Variants in PRIM2 observed in about 807,000 individuals in gnomAD.
The protein encoded by PRIM2 is DNA primase large subunit.
Under a neutral mutation model 67.3 loss-of-function variants are expected in PRIM2, and 39 were observed. That is an observed-to-expected ratio of 0.58 (90% CI 0.45 to 0.76). PRIM2 has a LOEUF of 0.76. Ranked by LOEUF, PRIM2 falls within the 30% of genes least tolerant of loss-of-function variation. The pLI is 0.00. For synonymous variants in PRIM2, 143 were observed against 198.7 expected (o/e 0.72, Z 2.36); for missense variants, 398 against 598.7 (o/e 0.66, Z 3.50).
upstream of PRIM2, among the ~76,000 whole-genome samples, chr6:57,314,409 G>A (rs1173473815): frequency 2.0e-5 from 3 of 152,178 alleles, no homozygotes; most frequent in African/African-American, 4.8e-5. Flanking sequence ...CCAGCTACTC[G>A]GGAGGCTGAG....
rs1440536817 is a variant in PRIM2, at chr6:57,464,369, C to T, written c.694-43018C>T. 3.9e-3 allele frequency among the ~76,000 whole-genome samples: 587 copies of T among 152,094 alleles called. 3 individuals carry two copies. Among genetic ancestry groups the T allele is most frequent in the African/African-American group, 0.013 (551 of 41,486 alleles). ...CTCAGCTCACTTCAACCTCCGTCTC[C>T]CAGGTTCAAGTGATTCTCCTTCCTC... is the stretch of plus-strand genomic sequence containing the variant. On this transcript the variant is annotated intron_variant, in intron 7 of 13. Coordinates refer to ENST00000615550, the MANE Select transcript of PRIM2 (RefSeq NM_000947.5).
At chr6:57,534,854 G>C (rs1249232568) in intron 9 of PRIM2, among the ~76,000 whole-genome samples, 321 of 152,102 alleles carry the variant, frequency 2.1e-3, no homozygotes, top group African/African-American at 7.4e-3. Flanking sequence ...AACTTACTTT[G>C]TCTTACTTGA....
intron 7 of PRIM2, among the ~76,000 whole-genome samples, chr6:57,391,326 A>G (rs7775204): frequency 0.71 from 98,099 of 139,130 alleles, 35,144 homozygotes; most frequent in African/African-American, 0.82. Context: ...TCCATTCTGT[A>G]GGTTGTCTGT....
At chr6:57,560,020 G>T (rs1176086376) in intron 10 of PRIM2, among the ~76,000 whole-genome samples, 2 of 152,068 alleles carry the variant, frequency 1.3e-5, no homozygotes, top group Non-Finnish European at 2.9e-5. Context: ...ATTGATTGAC[G>T]TTTCCTTTCA....
the PRIM2 span, among the ~76,000 whole-genome samples, chr6:57,289,866 G>A: frequency 1.3e-5 from 2 of 152,126 alleles, no homozygotes; most frequent in Non-Finnish European, 2.9e-5. Flanking sequence ...AAATTGTAAA[G>A]ACCATCAATG....
At chr6:57,562,009 T>C (rs1775642142) in intron 10 of PRIM2, among the ~76,000 whole-genome samples, 1 of 152,112 alleles carries the variant, frequency 6.6e-6, no homozygotes, top group Non-Finnish European at 1.5e-5. Flanking sequence ...TAGAGAGGCC[T>C]GAGGAGAGGG....
At chr6:57,370,740 G>A (rs1195962664) in intron 5 of PRIM2, among the ~76,000 whole-genome samples, 2 of 140,566 alleles carry the variant, frequency 1.4e-5, no homozygotes, top group Non-Finnish European at 3.0e-5. Flanking sequence ...TGCCACCTGC[G>A]CTGGAGTGCA....
intron 5 of PRIM2, among the ~76,000 whole-genome samples, chr6:57,333,391 C>A (rs1272787915): frequency 6.6e-6 from 1 of 152,136 alleles, no homozygotes; most frequent in Admixed American, 6.5e-5. Context: ...TCTTGAGAAG[C>A]CTGATTTCAT....
chr6:57,501,440 C>T (rs1289928262), intron 7 of PRIM2, among the ~76,000 whole-genome samples: 1 of 152,116 alleles, frequency 6.6e-6, no homozygotes, highest in Non-Finnish European at 1.5e-5. Flanking sequence ...GCTGGGATTA[C>T]AGGCGCCCGC....
At chr6:57,516,177 C>T (rs1163834652) in intron 8 of PRIM2, among the ~76,000 whole-genome samples, 3 of 151,958 alleles carry the variant, frequency 2.0e-5, no homozygotes, top group Non-Finnish European at 2.9e-5. Flanking sequence ...GATCAGACTA[C>T]AGGGATATCC....
chr6:57,503,003 G>C (rs1330132605), intron 7 of PRIM2, among the ~76,000 whole-genome samples: 1 of 152,144 alleles, frequency 6.6e-6, no homozygotes, highest in African/African-American at 2.4e-5. Context: ...AAAACAATTA[G>C]AAATACAAGA....
chr6:57,487,752 G>T (rs1293341629), intron 7 of PRIM2, among the ~76,000 whole-genome samples: 1 of 152,012 alleles, frequency 6.6e-6, no homozygotes, highest in African/African-American at 2.4e-5. Context: ...TTGTCTCTAG[G>T]GTAAGCATGT....
chr6:57,294,528 G>A, the PRIM2 span, among the ~76,000 whole-genome samples: 1 of 151,312 alleles, frequency 6.6e-6, no homozygotes, highest in Non-Finnish European at 1.5e-5. Flanking sequence ...AACAAAAGCA[G>A]TATATATAGT....
At chr6:57,271,341 C>A in the PRIM2 span, among the ~76,000 whole-genome samples, 1 of 152,172 alleles carries the variant, frequency 6.6e-6, no homozygotes, top group Non-Finnish European at 1.5e-5. Context: ...TCAACTTCTT[C>A]CTGGTTTAGT....
intron 11 of PRIM2, among the ~76,000 whole-genome samples, chr6:57,601,594 C>G (rs1459747978): frequency 6.6e-6 from 1 of 152,066 alleles, no homozygotes; most frequent in Non-Finnish European, 1.5e-5. Context: ...ATAGTAGATT[C>G]ATTAATTTTC....
chr6:57,632,965 A>G (rs1266138631), intron 13 of PRIM2, among the ~76,000 whole-genome samples: 9 of 152,220 alleles, frequency 5.9e-5, no homozygotes, highest in Non-Finnish European at 1.3e-4. Flanking sequence ...GTAAGAGTGG[A>G]ATGACCCAGT....
At chr6:57,588,281 G>A (rs1194118188) in intron 10 of PRIM2, among the ~76,000 whole-genome samples, 1 of 152,102 alleles carries the variant, frequency 6.6e-6, no homozygotes, top group African/African-American at 2.4e-5. Context: ...GTCCCATAGA[G>A]ATATGAGGAT....
chr6:57,504,328 G>A (rs1156380325), intron 7 of PRIM2, among the ~76,000 whole-genome samples: 22 of 152,214 alleles, frequency 1.4e-4, no homozygotes, highest in Non-Finnish European at 2.8e-4. Context: ...TTATTAGTTG[G>A]TAAAATGCAT....
chr6:57,269,130 G>A, the PRIM2 span, among the ~76,000 whole-genome samples: 1 of 151,172 alleles, frequency 6.6e-6, no homozygotes, highest in Non-Finnish European at 1.5e-5. Flanking sequence ...ATGATTTACA[G>A]TCCTTTGGGT....
Sources: allele counts gnomAD v4.1 joint callset (sites outside exome capture counted in the v4.1 genomes callset), GRCh38; gene constraint gnomAD v4.1.1; transcripts MANE v1.5; gene names NCBI Gene and HGNC (gene_info 2026-07-23, HGNC 2026-07-21).